The following CSMD1 variants were observed in gnomAD, a reference collection of about 807,000 sequenced individuals.
CSMD1 encodes the protein CUB and Sushi multiple domains 1.
A neutral mutation model predicts 417.5 loss-of-function variants in CSMD1; 213 were observed. The observed-to-expected ratio is 0.51, with a 90% CI of 0.46 to 0.57. The LOEUF is 0.57. CSMD1 is among the 20% of genes least tolerant of loss of function. CSMD1 has a pLI of 0.00. For synonymous variants in CSMD1, 2,862 were observed against 1,736.8 expected (o/e 1.65, Z -16.11); for missense variants, 6,923 against 4,529.7 (o/e 1.53, Z -15.17).
At chr8:4,672,643 T>C (rs1157697549) in intron 1 of CSMD1, among the ~76,000 whole-genome samples, 2 of 151,718 alleles carry the variant, frequency 1.3e-5, no homozygotes, top group Non-Finnish European at 2.9e-5. Flanking sequence ...AAATAACAAA[T>C]AATGCCAGGT....
chr8:4,264,525 G>C (rs571537109), intron 3 of CSMD1, among the ~76,000 whole-genome samples: 2 of 152,220 alleles, frequency 1.3e-5, no homozygotes, highest in Admixed American at 1.3e-4. Flanking sequence ...AAGCTGAGAA[G>C]CTCCGTTACT....
chr8:3,468,081 C>A (rs1816880956), intron 12 of CSMD1, among the ~76,000 whole-genome samples: 1 of 152,286 alleles, frequency 6.6e-6, no homozygotes, highest in African/African-American at 2.4e-5. Context: ...ATCCAAAGAT[C>A]ACAACTATAT....
chr8:4,088,220 G>A (rs1398307882), intron 3 of CSMD1, among the ~76,000 whole-genome samples: 3 of 152,166 alleles, frequency 2.0e-5, no homozygotes, highest in African/African-American at 7.2e-5. Context: ...ACTGATCTCT[G>A]CCTTCCTGGC....
Position 4,629,490 on chromosome 8 carries a change from C to G in CSMD1, c.302+7852G>C, listed in dbSNP as rs904426102. On this transcript the variant is annotated intron_variant, in intron 2 of 69. Coordinates refer to ENST00000635120, the MANE Select transcript of CSMD1 (RefSeq NM_033225.6). ...GATTATTTAAAATTTTCTTGTAGCT[C>G]TAGAAGTGCATCTTACAAATTAAGA... 3.9e-5 allele frequency among the ~76,000 whole-genome samples: 6 copies of G among 152,112 alleles called. 1 individual carries two copies. Among genetic ancestry groups the G allele is most frequent in the African/African-American group, 9.7e-5 (4 of 41,412 alleles).
At chr8:3,851,280 T>C (rs757159045) in intron 5 of CSMD1, among the ~76,000 whole-genome samples, 1 of 152,236 alleles carries the variant, frequency 6.6e-6, no homozygotes, top group Non-Finnish European at 1.5e-5. Context: ...ACAAAGTCTT[T>C]AGGGACTGGT....
chr8:4,164,515 C>T (rs1190022579), intron 3 of CSMD1, among the ~76,000 whole-genome samples: 1 of 151,998 alleles, frequency 6.6e-6, no homozygotes, highest in Admixed American at 6.6e-5. Flanking sequence ...TACCAATGTC[C>T]CCAGGCGTAA....
At chr8:3,302,571 C>G (rs959761052) in intron 25 of CSMD1, among the ~76,000 whole-genome samples, 2 of 152,230 alleles carry the variant, frequency 1.3e-5, no homozygotes, top group East Asian at 1.9e-4. Flanking sequence ...TTTAAGACAT[C>G]AAGTGCACTG....
chr8:3,554,547 G>C (rs1007352339), intron 10 of CSMD1, among the ~76,000 whole-genome samples: 1 of 152,182 alleles, frequency 6.6e-6, no homozygotes, highest in Non-Finnish European at 1.5e-5. Context: ...CCCAGCTCCT[G>C]CTCTGTTGGA....
intron 3 of CSMD1, among the ~76,000 whole-genome samples, chr8:4,378,501 T>C (rs1264585932): frequency 6.6e-6 from 1 of 152,222 alleles, no homozygotes; most frequent in Non-Finnish European, 1.5e-5. Context: ...TCTCTCTCTC[T>C]CTCTTTCTCT....
intron 3 of CSMD1, among the ~76,000 whole-genome samples, chr8:4,130,141 C>T (rs117976364): frequency 0.011 from 1,734 of 152,194 alleles, 19 homozygotes; most frequent in South Asian, 0.042. Flanking sequence ...ATCAAGCTTG[C>T]TTATTTTACT....
At chr8:3,452,082 T>C (rs10086955) in intron 12 of CSMD1, among the ~76,000 whole-genome samples, 64,047 of 151,814 alleles carry the variant, frequency 0.42, 14,073 homozygotes, top group Middle Eastern at 0.51. Context: ...GAAGCAATTG[T>C]GAATGGGAGT....
At chr8:4,926,049 C>G (rs974263005) in intron 1 of CSMD1, among the ~76,000 whole-genome samples, 2 of 152,050 alleles carry the variant, frequency 1.3e-5, no homozygotes, top group African/African-American at 4.8e-5. Context: ...CCTAAATAAA[C>G]AAACAAATAC....
chr8:4,043,877 A>G (rs1379600853), intron 3 of CSMD1, among the ~76,000 whole-genome samples: 2 of 152,334 alleles, frequency 1.3e-5, no homozygotes, highest in African/African-American at 4.8e-5. Context: ...AGGCTAAGGA[A>G]CTCAGTTAAG....
At chr8:4,077,351 TA>T (rs1243998444) in intron 3 of CSMD1, among the ~76,000 whole-genome samples, 3 of 131,480 alleles carry the variant, frequency 2.3e-5, no homozygotes, top group African/African-American at 9.0e-5. Context: ...ATATAATTTA[TA>T]TTTTTTATCA....
chr8:3,612,374 C>G (rs1032134740), intron 8 of CSMD1, among the ~76,000 whole-genome samples: 1 of 151,764 alleles, frequency 6.6e-6, no homozygotes, highest in Non-Finnish European at 1.5e-5. Context: ...TTAGATAAAT[C>G]TCTCTCAATC....
intron 2 of CSMD1, among the ~76,000 whole-genome samples, chr8:4,542,356 CAA>C (rs34330098): frequency 1.2e-3 from 180 of 151,202 alleles, no homozygotes; most frequent in African/African-American, 4.1e-3. Flanking sequence ...AACTTACTAA[CAA>C]AAAAAAAGTT....
chr8:3,120,631 A>T (rs533346472), intron 41 of CSMD1, among the ~76,000 whole-genome samples: 9 of 152,050 alleles, frequency 5.9e-5, no homozygotes, highest in Non-Finnish European at 1.2e-4. Flanking sequence ...GGTGGATCAC[A>T]AGGTCAAGAG....
chr8:3,376,921 G>C (rs185704936), intron 18 of CSMD1, among the ~76,000 whole-genome samples: 1 of 152,328 alleles, frequency 6.6e-6, no homozygotes, highest in African/African-American at 2.4e-5. Flanking sequence ...ATGAGAACAA[G>C]CCTTATGGTT....
At chr8:3,150,690 G>C (rs1379960483) in intron 40 of CSMD1, among the ~76,000 whole-genome samples, 1 of 152,132 alleles carries the variant, frequency 6.6e-6, no homozygotes, top group East Asian at 1.9e-4. Context: ...CCTAAAGTGA[G>C]TGCTGTAGAG....
Sources: gnomAD v4.1 joint callset for allele counts (sites outside exome capture counted in the v4.1 genomes callset) on GRCh38, gnomAD v4.1.1 for gene constraint, MANE v1.5 for transcripts, NCBI Gene and HGNC (gene_info 2026-07-23, HGNC 2026-07-21) for gene names.